Variants in MLLT10 observed in about 807,000 individuals in gnomAD.
MLLT10 encodes protein AF-10.
Under a neutral mutation model 129.1 loss-of-function variants are expected in MLLT10, and 30 were observed. That is an observed-to-expected ratio of 0.23 (90% CI 0.17 to 0.32). MLLT10 has a LOEUF of 0.32. Among genes scored for constraint, MLLT10 ranks in the 10% least tolerant of loss-of-function variants. MLLT10 has a pLI of 1.00. For missense variants in MLLT10, 1,119 were observed against 1,268.3 expected (o/e 0.88, Z 1.79); for synonymous variants, 490 against 446.4 (o/e 1.10, Z -1.23).
At chr10:21,537,629 T>C (rs564430613) in intron 2 of MLLT10, among the ~76,000 whole-genome samples, 1 of 152,104 alleles carries the variant, frequency 6.6e-6, no homozygotes, top group South Asian at 2.1e-4. Flanking sequence ...CATGCCCAGC[T>C]AATTTTTAAA....
At chr10:21,601,482 A>G (rs2043526679) in intron 5 of MLLT10, among the ~76,000 whole-genome samples, 2 of 152,194 alleles carry the variant, frequency 1.3e-5, no homozygotes, top group African/African-American at 4.8e-5. Flanking sequence ...TAAAATCTGT[A>G]ATCTCACTCA....
intron 8 of MLLT10, among the ~76,000 whole-genome samples, chr10:21,621,544 C>A (rs2045857755): frequency 6.6e-6 from 1 of 152,108 alleles, no homozygotes; most frequent in Non-Finnish European, 1.5e-5. Flanking sequence ...CGCGCCCAGC[C>A]AAGAATTTAA....
rs117346262 is a variant in MLLT10, at chr10:21,673,087, T to C, written c.1052-263T>C. Among the ~76,000 whole-genome samples the C allele has an allele frequency of 1.9e-3, 285 of 152,258 alleles. 2 individuals are homozygous for C. Among genetic ancestry groups the C allele is most frequent in the Non-Finnish European group, 3.2e-3 (216 of 68,030 alleles). ...GTGAAATAAAGCGCATCTTATATCT[T>C]AATAATTATTTAAGTAATAGCTTGC... On this transcript the variant is annotated intron_variant, in intron 10 of 22. Transcript: ENST00000307729.
intron 10 of MLLT10, 49 bp from the exon 11 acceptor site, chr10:21,673,301 T>TGA: frequency 1.3e-5 from 3 of 237,942 alleles, no homozygotes; most frequent in Non-Finnish European, 2.0e-5. Context: ...AATTTTTCTG[T>TGA]CCCCCCCACC....
chr10:21,618,406 G>A lies in MLLT10; in HGVS notation c.699+1199G>A, dbSNP rs2045478702. Among the ~76,000 whole-genome samples, 3 of 152,006 alleles carry A rather than the reference G, an allele frequency of 2.0e-5. No homozygotes were observed. The South Asian group carries it at 6.2e-4, about 32-fold the overall frequency. On this transcript the variant is annotated intron_variant, in intron 8 of 22. Transcript: ENST00000307729. ...TAATCCCAGCTACTCAGGAGGTTAA[G>A]GCAGGAGAATCACGCTTGAACCCAG...
chr10:21,560,587 TACCACCACC>T (rs1263634817), intron 3 of MLLT10, among the ~76,000 whole-genome samples: 2 of 151,724 alleles, frequency 1.3e-5, no homozygotes, highest in Non-Finnish European at 2.9e-5. Context: ...AGGCACGTAC[TACCACCACC>T]ACCACCACCA....
chr10:21,707,165 C>A (rs1329039018), intron 13 of MLLT10, among the ~76,000 whole-genome samples: 1 of 150,468 alleles, frequency 6.6e-6, no homozygotes, highest in African/African-American at 2.5e-5. Flanking sequence ...GCTACCAAAT[C>A]TAATTTGTCA....
intron 9 of MLLT10, among the ~76,000 whole-genome samples, chr10:21,659,072 A>T (rs2049905519): frequency 6.6e-6 from 1 of 150,826 alleles, no homozygotes; most frequent in Admixed American, 6.6e-5. Flanking sequence ...GTTGTTATTG[A>T]CTTTTGTGAG....
chr10:21,545,079 A>G (rs1474184331), intron 3 of MLLT10, among the ~76,000 whole-genome samples: 1 of 152,048 alleles, frequency 6.6e-6, no homozygotes, highest in Non-Finnish European at 1.5e-5. Context: ...TGGGAGATGG[A>G]GGTTGTGGTG....
intron 3 of MLLT10, among the ~76,000 whole-genome samples, chr10:21,579,957 T>C (rs1459465234): frequency 3.3e-5 from 5 of 152,156 alleles, no homozygotes; most frequent in African/African-American, 1.2e-4. Flanking sequence ...GTGAAATTTT[T>C]ACTTCACATG....
intron 3 of MLLT10, among the ~76,000 whole-genome samples, chr10:21,545,092 C>G (rs1417886269): frequency 6.6e-6 from 1 of 152,008 alleles, no homozygotes; most frequent in Non-Finnish European, 1.5e-5. Context: ...TTGTGGTGAG[C>G]CGAGATCGCG....
intron 14 of MLLT10, among the ~76,000 whole-genome samples, chr10:21,719,442 G>T (rs191486439): frequency 1.1e-4 from 17 of 152,320 alleles, no homozygotes; most frequent in Non-Finnish European, 2.2e-4. Flanking sequence ...ATATCTGTAA[G>T]TCTGGAATTA....
chr10:21,740,010 TCA>T lies in MLLT10; in HGVS notation c.2956-17_2956-16del. On this transcript the variant is annotated intron_variant, in intron 21 of 22. Transcript: ENST00000307729. ...TCCGTGCTTGGGAACTCATTTTCTC[TCA>T]CATGTTTTTTGCCTAAGGAACAACA... 1 of 1,566,996 alleles carries T rather than the reference TCA, an allele frequency of 6.4e-7. No homozygotes were observed. The highest frequency in any genetic ancestry group is 8.7e-7 in the Non-Finnish European group (1 of 1,151,838).
intron 3 of MLLT10, among the ~76,000 whole-genome samples, chr10:21,574,688 C>G (rs778783719): frequency 1.3e-5 from 2 of 152,098 alleles, no homozygotes; most frequent in African/African-American, 2.4e-5. Context: ...GGTTCCTCCC[C>G]TTTTTAGACT....
intron 14 of MLLT10, among the ~76,000 whole-genome samples, chr10:21,724,621 T>C (rs1001928211): frequency 7.9e-5 from 12 of 152,252 alleles, no homozygotes; most frequent in Admixed American, 3.9e-4. Flanking sequence ...TACTTTAACA[T>C]TTGTGGTTCT....
At chr10:21,551,942 A>T in intron 3 of MLLT10, 3 of 282,224 alleles carry the variant, frequency 1.1e-5, no homozygotes, top group Non-Finnish European at 2.1e-5. Context: ...TTACAGGCAC[A>T]CACCACCATG....
At chr10:21,624,822 C>T (rs1368264855) in intron 8 of MLLT10, 38 of 1,065,214 alleles carry the variant, frequency 3.6e-5, no homozygotes, top group South Asian at 2.3e-4. Context: ...ACGGGAACCA[C>T]GGCCACGGCC....
At chr10:21,571,290 A>G (rs1050152971) in intron 3 of MLLT10, among the ~76,000 whole-genome samples, 15 of 152,192 alleles carry the variant, frequency 9.9e-5, no homozygotes, top group Non-Finnish European at 1.9e-4. Context: ...CAAAAGTTCT[A>G]GGGTGAGCCT....
intron 3 of MLLT10, chr10:21,571,946 GTTTAA>G (rs1191113522): frequency 2.6e-5 from 4 of 152,296 alleles, no homozygotes; most frequent in South Asian, 2.1e-4. Flanking sequence ...TATCTGATAA[GTTTAA>G]TTTATCAGTG....
Sources: allele counts gnomAD v4.1 joint callset (sites outside exome capture counted in the v4.1 genomes callset), GRCh38; gene constraint gnomAD v4.1.1; transcripts MANE v1.5; gene names NCBI Gene and HGNC (gene_info 2026-07-23, HGNC 2026-07-21).